UTRN: variants seen among roughly 807,000 people sequenced by gnomAD.
The protein encoded by UTRN is utrophin.
UTRN carries 283 observed loss-of-function variants against 463.9 expected under a neutral mutation model. The ratio of observed to expected loss-of-function variants is 0.61; its 90% CI spans 0.55 to 0.67. The LOEUF is 0.67. UTRN is among the 30% of genes least tolerant of loss of function. The probability of loss-of-function intolerance (pLI) is 0.00; values close to 1 mark genes in which losing one functional copy is unlikely to be tolerated. For synonymous variants in UTRN, 1,442 were observed against 1,431.5 expected, an observed-to-expected ratio of 1.01 and a Z score of -0.17; for missense variants, 3,922 against 4,084.3, an observed-to-expected ratio of 0.96 and a Z score of 1.08.
At chr6:144,428,752 T>C (rs1422526426) in intron 7 of UTRN, 26 bp from the exon 8 acceptor site, 1 of 1,344,262 alleles carries the variant, frequency 7.4e-7, no homozygotes, top group Non-Finnish European at 1.0e-6. Context: ...TTCATCTTCA[T>C]TGCATTTTAT....
At chr6:144,309,878 A>G (rs1353821849) in intron 2 of UTRN, among the ~76,000 whole-genome samples, 1 of 152,174 alleles carries the variant, frequency 6.6e-6, no homozygotes, top group Non-Finnish European at 1.5e-5. Flanking sequence ...TGCTCATTAT[A>G]TGAGGCAGGC....
At chr6:144,345,484 G>A (rs61112175) in intron 2 of UTRN, among the ~76,000 whole-genome samples, 9,876 of 152,094 alleles carry the variant, frequency 0.065, 1,020 homozygotes, top group African/African-American at 0.22. Flanking sequence ...AGACCACTCT[G>A]GGCAACACAG....
chr6:144,597,037 G>A (rs1803721998), intron 51 of UTRN, among the ~76,000 whole-genome samples: 1 of 152,170 alleles, frequency 6.6e-6, no homozygotes, highest in African/African-American at 2.4e-5. Flanking sequence ...AGGAGATTGA[G>A]ACTATCCTGG....
intron 58 of UTRN, among the ~76,000 whole-genome samples, chr6:144,767,087 G>A (rs1355619958): frequency 6.6e-6 from 1 of 152,116 alleles, no homozygotes; most frequent in African/African-American, 2.4e-5. Context: ...TTAAGGCAGA[G>A]AAATAAACCA....
chr6:144,803,318 AT>A (rs1195022453), intron 65 of UTRN, among the ~76,000 whole-genome samples, 171 bp downstream of exon 65: 3 of 151,900 alleles, frequency 2.0e-5, no homozygotes, highest in East Asian at 1.9e-4. Flanking sequence ...GCAGAAAAAA[AT>A]ATTAACTTTT....
At chr6:144,437,365 T>A (rs1381903635) in intron 10 of UTRN, among the ~76,000 whole-genome samples, 200 bp from the exon 11 acceptor site, 1 of 152,232 alleles carries the variant, frequency 6.6e-6, no homozygotes, top group Non-Finnish European at 1.5e-5. Flanking sequence ...TTTGAGCTAT[T>A]TCTCTTTTAA....
intron 48 of UTRN, among the ~76,000 whole-genome samples, chr6:144,551,870 G>C (rs1474756032): frequency 6.6e-6 from 1 of 151,882 alleles, no homozygotes; most frequent in Non-Finnish European, 1.5e-5. Context: ...ATTTCTCTTG[G>C]CCTTTTCTTC....
intron 51 of UTRN, among the ~76,000 whole-genome samples, chr6:144,671,820 A>G (rs138775086): frequency 1.7e-3 from 260 of 152,136 alleles, no homozygotes; most frequent in Middle Eastern, 6.8e-3. Flanking sequence ...TTATTACCTT[A>G]AGGAATGTCT....
intron 54 of UTRN, among the ~76,000 whole-genome samples, chr6:144,732,243 T>TATATATATAC (rs1562832484): frequency 7.6e-4 from 77 of 100,966 alleles, no homozygotes; most frequent in African/African-American, 2.0e-3. Flanking sequence ...TATATACATA[T>TATATATATAC]ATATATATAT....
At chr6:144,423,106 A>G (rs1039962986) in intron 4 of UTRN, among the ~76,000 whole-genome samples, 7 of 152,182 alleles carry the variant, frequency 4.6e-5, no homozygotes, top group Non-Finnish European at 7.3e-5. Context: ...AGAGGACACA[A>G]TTTCTCTAAA....
chr6:144,727,239 A>C (rs780522979), intron 53 of UTRN, among the ~76,000 whole-genome samples: 3 of 152,024 alleles, frequency 2.0e-5, no homozygotes, highest in Non-Finnish European at 4.4e-5. Context: ...CTCAGTTTTT[A>C]ATCTTTCCAC....
At chr6:144,778,649 A>G (rs1488647560) in intron 60 of UTRN, among the ~76,000 whole-genome samples, 1 of 151,950 alleles carries the variant, frequency 6.6e-6, no homozygotes, top group African/African-American at 2.4e-5. Flanking sequence ...AAAATAAAGA[A>G]TGGCCACATA....
intron 2 of UTRN, among the ~76,000 whole-genome samples, chr6:144,399,464 G>A (rs1393148894): frequency 6.6e-6 from 1 of 152,148 alleles, no homozygotes; most frequent in East Asian, 1.9e-4. Context: ...TTTTGCATTT[G>A]TGAAAGAGGC....
At chr6:144,413,951 G>A (rs1263032070) in intron 3 of UTRN, among the ~76,000 whole-genome samples, 1 of 152,022 alleles carries the variant, frequency 6.6e-6, no homozygotes, top group African/African-American at 2.4e-5. Flanking sequence ...TTACAGGCAT[G>A]TGCCACCACG....
intron 33 of UTRN, among the ~76,000 whole-genome samples, chr6:144,494,018 T>G (rs1278446173): frequency 1.3e-5 from 2 of 152,176 alleles, no homozygotes; most frequent in African/African-American, 2.4e-5. Context: ...AAATTTATTT[T>G]TAATATTTAA....
intron 52 of UTRN, among the ~76,000 whole-genome samples, chr6:144,680,460 G>T (rs1472253163): frequency 6.6e-6 from 1 of 152,132 alleles, no homozygotes; most frequent in Non-Finnish European, 1.5e-5. Flanking sequence ...CATTAAGGTA[G>T]ATCAGACATT....
rs561403505 is a variant in UTRN at position 144,646,489 on chromosome 6, T to C, written c.7480-31917T>C. 3.3e-5 allele frequency among the ~76,000 whole-genome samples: 5 copies of C among 152,272 alleles called. No individual in the cohort carries two copies. In the East Asian group the frequency reaches 5.8e-4, roughly 18 times the overall value. ...AACATGACTGTCATTCCTCCATTCT[T>C]ACAGGTTATTTTTAAAAAGAGATTT... On this transcript the variant is annotated intron_variant, in intron 51 of 74. Transcript: ENST00000367545.
chr6:144,428,242 C>G (rs189936672), intron 7 of UTRN, among the ~76,000 whole-genome samples: 322 of 152,296 alleles, frequency 2.1e-3, no homozygotes, highest in Middle Eastern at 6.8e-3. Context: ...GAGGGAAACT[C>G]TTCCAAGGCT....
At position 144,459,319 on chromosome 6, in the gene UTRN, A is replaced by T. The variant is rs1426706526; in HGVS notation, c.2672A>T (p.Glu891Val). Residue 891 changes from glutamate (E) to valine (V), a missense_variant, in exon 21 of 75, where the codon GAG becomes GTG. Glu to Val is a moderately radical substitution (Grantham distance 121). Transcript: ENST00000367545. ...SFLGRYQAVQ[E>V]AVEDRQQHLE... ...CTGGGCCGCTACCAAGCTGTACAAG[A>T]GGCTGTAGAGGATCGTCAACAACAT... is the stretch of plus-strand genomic sequence containing the variant. The T allele has an allele frequency of 6.2e-7, 1 of 1,610,474 alleles. No homozygotes were observed. The highest frequency in any genetic ancestry group is 1.7e-5 in the Admixed American group (1 of 58,862).
Sources: gnomAD v4.1 joint callset for allele counts (sites outside exome capture counted in the v4.1 genomes callset) on GRCh38, gnomAD v4.1.1 for gene constraint, MANE v1.5 for transcripts, NCBI Gene and HGNC (gene_info 2026-07-23, HGNC 2026-07-21) for gene names.